Variants in DDR2 observed in about 807,000 individuals in gnomAD.
The protein encoded by DDR2 is discoidin domain-containing receptor 2.
Under a neutral mutation model 94.9 loss-of-function variants are expected in DDR2, and 27 were observed. The observed-to-expected ratio is 0.28, with a 90% CI of 0.21 to 0.39. The LOEUF (loss-of-function observed/expected upper bound fraction) is 0.39. Ranked by LOEUF, DDR2 falls within the 10% of genes least tolerant of loss-of-function variation. The pLI is 1.00. For synonymous variants in DDR2, 382 were observed against 377.2 expected, an observed-to-expected ratio of 1.01 and a Z score of -0.15; for missense variants, 783 against 1,076.0, an observed-to-expected ratio of 0.73 and a Z score of 3.81.
chr1:162,764,270 G>A (rs1663885836), intron 9 of DDR2, among the ~76,000 whole-genome samples: 1 of 151,892 alleles, frequency 6.6e-6, no homozygotes, highest in Non-Finnish European at 1.5e-5. Context: ...AGTAACTGCA[G>A]CAAATAGTGA....
intron 1 of DDR2, among the ~76,000 whole-genome samples, chr1:162,637,419 A>C (rs1412698580): frequency 1.3e-5 from 2 of 152,106 alleles, no homozygotes; most frequent in Non-Finnish European, 2.9e-5. Flanking sequence ...TTATAGAGCA[A>C]CTTTAGCTTT....
chr1:162,780,068 T>TCC, intron 17 of DDR2, 44 bp from the exon 18 acceptor site: 1 of 1,606,008 alleles, frequency 6.2e-7, no homozygotes, highest in Non-Finnish European at 8.5e-7. Context: ...TGTAATATTC[T>TCC]CTCTCTCTCT....
intron 2 of DDR2, among the ~76,000 whole-genome samples, chr1:162,677,307 A>G (rs1659179923): frequency 2.0e-5 from 3 of 152,306 alleles, no homozygotes; most frequent in Non-Finnish European, 1.5e-5. Flanking sequence ...GAAAACTTCA[A>G]ATTTACTGAG....
At chr1:162,676,384 CTGT>C (rs941824202) in intron 2 of DDR2, among the ~76,000 whole-genome samples, 2 of 152,144 alleles carry the variant, frequency 1.3e-5, no homozygotes, top group Non-Finnish European at 2.9e-5. Flanking sequence ...TGTTACACCA[CTGT>C]TGTTATTAGT....
chr1:162,645,083 T>TA (rs199850086), intron 1 of DDR2, among the ~76,000 whole-genome samples: 2,052 of 152,340 alleles, frequency 0.013, 27 homozygotes, highest in Middle Eastern at 0.041. Context: ...GGAACAGGCA[T>TA]ACTGCAGGGG....
intron 2 of DDR2, among the ~76,000 whole-genome samples, chr1:162,656,170 C>T (rs996698805): frequency 6.6e-6 from 1 of 152,152 alleles, no homozygotes; most frequent in Non-Finnish European, 1.5e-5. Context: ...ACCTTCCCAG[C>T]CTGGAGCTCC....
At position 162,729,829 on chromosome 1, in the gene DDR2, C is replaced by T. The variant is rs570203861; in HGVS notation, c.82+10684C>T. Among the ~76,000 whole-genome samples, 43 of 151,862 alleles carry T rather than the reference C, an allele frequency of 2.8e-4. No homozygotes were observed. In the East Asian group the frequency reaches 4.4e-3, roughly 16 times the overall value. On this transcript the variant is annotated intron_variant, in intron 3 of 17. Transcript: ENST00000367921. ...CGCAATCTCGGCTCACTGCAACCTC[C>T]GCCTCCCAGGTTCTAGAGATTTTCC...
intron 9 of DDR2, 138 bp downstream of exon 9, chr1:162,761,592 T>C: frequency 7.2e-7 from 1 of 1,394,724 alleles, no homozygotes; most frequent in South Asian, 1.2e-5. Context: ...ATACGGTGAA[T>C]CCTTTGTGTG....
intron 1 of DDR2, among the ~76,000 whole-genome samples, chr1:162,649,381 C>A (rs967721210): frequency 6.6e-6 from 1 of 152,094 alleles, no homozygotes; most frequent in Admixed American, 6.5e-5. Flanking sequence ...AAGTTTGTCT[C>A]TTGCACTAGA....
chr1:162,777,849 A>C (rs1438878882), intron 16 of DDR2: 1 of 152,488 alleles, frequency 6.6e-6, no homozygotes, highest in Non-Finnish European at 1.5e-5. Context: ...TGGCATTAAT[A>C]TGGTCACCCC....
intron 2 of DDR2, among the ~76,000 whole-genome samples, chr1:162,701,720 A>G (rs1306768748): frequency 6.6e-6 from 1 of 152,246 alleles, no homozygotes; most frequent in Non-Finnish European, 1.5e-5. Flanking sequence ...ATAACCTCAC[A>G]AAGAAGCACA....
At chr1:162,661,610 A>G (rs973269853) in intron 2 of DDR2, among the ~76,000 whole-genome samples, 28 of 152,236 alleles carry the variant, frequency 1.8e-4, no homozygotes, top group African/African-American at 6.5e-4. Flanking sequence ...ATCAGGAAAT[A>G]CAGAAGAGAA....
intron 2 of DDR2, among the ~76,000 whole-genome samples, chr1:162,687,114 C>T (rs1455887039): frequency 6.6e-6 from 1 of 152,224 alleles, no homozygotes; most frequent in Non-Finnish European, 1.5e-5. Flanking sequence ...CTGCTCTGGC[C>T]TCTCTGCTGC....
At chr1:162,677,508 C>G (rs1659192794) in intron 2 of DDR2, among the ~76,000 whole-genome samples, 1 of 152,160 alleles carries the variant, frequency 6.6e-6, no homozygotes, top group Admixed American at 6.5e-5. Flanking sequence ...GTGGATTTTT[C>G]ATTGTCGTGG....
intron 3 of DDR2, among the ~76,000 whole-genome samples, chr1:162,733,180 A>G (rs1335626077): frequency 6.6e-6 from 1 of 152,202 alleles, no homozygotes; most frequent in Non-Finnish European, 1.5e-5. Flanking sequence ...ACAGTTCATG[A>G]TAGAACAAAG....
chr1:162,781,390 T>G lies in DDR2; in HGVS notation c.*1144T>G, dbSNP rs1647899303. On this transcript the variant is annotated 3_prime_UTR_variant, in exon 18 of 18. Coordinates refer to ENST00000367921, the MANE Select transcript of DDR2 (RefSeq NM_006182.4). ...GAAGTTACAGGGAGACTGATTTCCA[T>G]TCCTTATTGGGGAAAACGAAGCACT... is the stretch of plus-strand genomic sequence containing the variant. The G allele has an allele frequency of 6.6e-6, 1 of 152,226 alleles. No homozygotes were observed. Among genetic ancestry groups the G allele is most frequent in the Non-Finnish European group, 1.5e-5 (1 of 68,068 alleles). 9.4% of individuals were successfully genotyped at this position (152,226 alleles called of 1,614,324 possible). A position where few individuals can be genotyped will look rare whatever the true frequency, so the allele number is the denominator to read the frequency against.
At chr1:162,725,671 T>A (rs1661629018) in intron 3 of DDR2, among the ~76,000 whole-genome samples, 1 of 152,176 alleles carries the variant, frequency 6.6e-6, no homozygotes, top group South Asian at 2.1e-4. Context: ...ACAAGCATGC[T>A]CTTGACCTCT....
rs1156410133 is a variant in DDR2, at chr1:162,783,750, C to T, written c.*3504C>T. The stretch of plus-strand genomic sequence containing the variant: ...GAATTTTAAGAAAGGGGAAGTTCCT[C>T]TTGGAAAAGATATAGCAACCATCGG... On this transcript the variant is annotated 3_prime_UTR_variant, in exon 18 of 18. Coordinates refer to ENST00000367921, the MANE Select transcript of DDR2 (RefSeq NM_006182.4). 1.3e-5 allele frequency: 2 copies of T among 152,176 alleles called. No homozygotes were observed. Among genetic ancestry groups the T allele is most frequent in the Non-Finnish European group, 2.9e-5 (2 of 68,020 alleles). 9.4% of individuals were successfully genotyped at this position (152,176 alleles called of 1,614,324 possible).
chr1:162,719,504 A>G (rs78606861), intron 3 of DDR2, among the ~76,000 whole-genome samples: 7,358 of 152,170 alleles, frequency 0.048, 267 homozygotes, highest in Non-Finnish European at 0.071. Flanking sequence ...TTGGTTTACC[A>G]GTTGTTTTGG....
Sources: gnomAD v4.1 joint callset for allele counts (sites outside exome capture counted in the v4.1 genomes callset) on GRCh38, gnomAD v4.1.1 for gene constraint, MANE v1.5 for transcripts, NCBI Gene and HGNC (gene_info 2026-07-23, HGNC 2026-07-21) for gene names.